Variants in FAM91A1 observed in about 807,000 individuals in gnomAD.
FAM91A1 encodes protein FAM91A1.
In FAM91A1, 41 loss-of-function variants were observed where a neutral mutation model predicts 113.5. The observed-to-expected ratio is 0.36, with a 90% CI of 0.28 to 0.47. The LOEUF (loss-of-function observed/expected upper bound fraction) is 0.47. FAM91A1 is among the 20% of genes least tolerant of loss of function. The pLI, the probability that FAM91A1 is intolerant of heterozygous loss-of-function variation, is 1.00. For synonymous variants in FAM91A1, 307 were observed against 347.9 expected (o/e 0.88, Z 1.31); for missense variants, 696 against 1,001.2 (o/e 0.70, Z 4.11).
chr8:123,802,644 G>A (rs1256173080), intron 18 of FAM91A1, among the ~76,000 whole-genome samples: 2 of 152,192 alleles, frequency 1.3e-5, no homozygotes, highest in Admixed American at 6.5e-5. Context: ...AGCATCAGGT[G>A]GTAGATGGTA....
At chr8:123,778,522 ATTG>A in intron 5 of FAM91A1, 134 bp from the exon 6 acceptor site, 2 of 603,554 alleles carry the variant, frequency 3.3e-6, no homozygotes, top group Non-Finnish European at 2.9e-6. Flanking sequence ...AATATCTAGA[ATTG>A]TTAAGATTTT....
chr8:123,790,451 C>T (rs774562411), intron 15 of FAM91A1, among the ~76,000 whole-genome samples: 10 of 152,172 alleles, frequency 6.6e-5, no homozygotes, highest in Non-Finnish European at 1.3e-4. Context: ...CTTGGGCACC[C>T]CTGCATGAGC....
chr8:123,773,814 C>T (rs571380527), intron 1 of FAM91A1, among the ~76,000 whole-genome samples: 1 of 152,192 alleles, frequency 6.6e-6, no homozygotes, highest in Middle Eastern at 3.4e-3. Flanking sequence ...ACTCACCTAC[C>T]GGTTTTTATT....
chr8:123,787,799 C>A, intron 14 of FAM91A1, 49 bp downstream of exon 14: 1 of 1,444,452 alleles, frequency 6.9e-7, no homozygotes, highest in Non-Finnish European at 9.5e-7. Flanking sequence ...TGGAATCTGT[C>A]CTTGCTTGAC....
intron 4 of FAM91A1, 53 bp from the exon 5 acceptor site, chr8:123,777,972 T>A: frequency 6.8e-7 from 1 of 1,477,600 alleles, no homozygotes. Context: ...TGTGAACATA[T>A]TGAGATTTCA....
intron 15 of FAM91A1, among the ~76,000 whole-genome samples, chr8:123,793,892 T>C (rs1181133738): frequency 6.6e-6 from 1 of 152,218 alleles, no homozygotes; most frequent in Non-Finnish European, 1.5e-5. Context: ...AATATCTCTT[T>C]TTAGAGAGCA....
chr8:123,789,548 G>T, intron 14 of FAM91A1, 65 bp from the exon 15 acceptor site: 1 of 1,595,272 alleles, frequency 6.3e-7, no homozygotes, highest in East Asian at 2.2e-5. Context: ...TCTATTATAT[G>T]ATTATTAGAG....
At chr8:123,778,400 A>G (rs979065802) in intron 5 of FAM91A1, among the ~76,000 whole-genome samples, 3 of 152,146 alleles carry the variant, frequency 2.0e-5, no homozygotes, top group Non-Finnish European at 4.4e-5. Context: ...TGCATTTTTC[A>G]CTGCTTGGGT....
chr8:123,804,137 A>C (rs933502893), intron 18 of FAM91A1, among the ~76,000 whole-genome samples: 1 of 152,182 alleles, frequency 6.6e-6, no homozygotes, highest in African/African-American at 2.4e-5. Flanking sequence ...AGATTTTTTA[A>C]ATTTAATTTT....
At chr8:123,789,496 G>A (rs1815332445) in intron 14 of FAM91A1, 117 bp from the exon 15 acceptor site, 7 of 1,480,210 alleles carry the variant, frequency 4.7e-6, no homozygotes, top group Non-Finnish European at 5.5e-6. Flanking sequence ...GTATTGCCTG[G>A]GCAAATTTTT....
intron 15 of FAM91A1, among the ~76,000 whole-genome samples, chr8:123,794,209 CA>C (rs1310351222): frequency 2.0e-5 from 3 of 152,168 alleles, no homozygotes; most frequent in South Asian, 2.1e-4. Flanking sequence ...CGTTTTGGAA[CA>C]TTTTTTTGGA....
At chr8:123,777,403 G>A (rs955949360) in intron 4 of FAM91A1, 81 bp downstream of exon 4, 4 of 1,315,210 alleles carry the variant, frequency 3.0e-6, no homozygotes, top group Admixed American at 3.9e-5. Context: ...ATTGTCATGT[G>A]TGTTTTTAAC....
chr8:123,785,655 G>A lies in FAM91A1; in HGVS notation c.876G>A (p.Leu292=). ...VKNAVSMYCR[L]GFAHKKGQVI... is the part of the protein sequence containing the mutation. ...ATGCTGTTTCAATGTATTGCCGATT[G>A]GGCTTTGCCCATAAGAAGGGACAAG... is the stretch of plus-strand genomic sequence containing the variant. The change falls in exon 11 of 24, where the codon TTG becomes TTA. Residue 292 remains leucine (L), a synonymous_variant. Coordinates refer to ENST00000334705, the MANE Select transcript of FAM91A1 (RefSeq NM_144963.4). 1 of 1,604,206 alleles carries A rather than the reference G, an allele frequency of 6.2e-7. No individual in the cohort carries two copies. The highest frequency in any genetic ancestry group is 8.5e-7 in the Non-Finnish European group (1 of 1,177,372).
rs1563646463 is a variant in FAM91A1 at position 123,799,837 on chromosome 8, G to C, written c.1761G>C (p.Val587=). Reference sequence around the variant, plus strand: ...CTGGAGTAGTTCCTACCTCAAATGTGCTCACGATGTTGAATGATGCTTTAA... The same window carrying C: ...CTGGAGTAGTTCCTACCTCAAATGTCCTCACGATGTTGAATGATGCTTTAA... ...HDPGVVPTSN[V]LTMLNDALTH... is the part of the protein sequence containing the mutation. The change falls in exon 18 of 24, where the codon GTG becomes GTC. Residue 587 remains valine, a synonymous_variant. Coordinates refer to ENST00000334705, the MANE Select transcript of FAM91A1 (RefSeq NM_144963.4). 6.8e-6 allele frequency: 11 copies of C among 1,608,538 alleles called. No individual in the cohort carries two copies. The East Asian group carries it at 2.5e-4, about 36-fold the overall frequency.
chr8:123,798,258 A>G lies in FAM91A1; in HGVS notation c.1560+20A>G, dbSNP rs976639857. 6.2e-7 allele frequency: 1 copy of G among 1,611,942 alleles called. No homozygotes were observed. Among genetic ancestry groups the G allele is most frequent in the Non-Finnish European group, 8.5e-7 (1 of 1,179,036 alleles). ...CCTCAGGTAAAGACCTACTTGGAAGATCCACTTGGTAGTGTCATGAGTCCC... is the reference window on the plus strand; with the variant it reads ...CCTCAGGTAAAGACCTACTTGGAAGGTCCACTTGGTAGTGTCATGAGTCCC... On this transcript the variant is annotated intron_variant, in intron 16 of 23. Transcript: ENST00000334705.
chr8:123,785,362 T>A (rs1189064334), intron 10 of FAM91A1, among the ~76,000 whole-genome samples: 1 of 152,206 alleles, frequency 6.6e-6, no homozygotes, highest in African/African-American at 2.4e-5. Flanking sequence ...GCCCAAGCAG[T>A]ATCTTGTAGT....
intron 1 of FAM91A1, among the ~76,000 whole-genome samples, chr8:123,773,587 G>C (rs185162380): frequency 6.6e-6 from 1 of 152,154 alleles, no homozygotes; most frequent in African/African-American, 2.4e-5. Flanking sequence ...ACAATCTTAC[G>C]TACATTTAAA....
intron 20 of FAM91A1, among the ~76,000 whole-genome samples, chr8:123,807,801 A>G (rs1339963339): frequency 6.6e-6 from 1 of 152,218 alleles, no homozygotes; most frequent in African/African-American, 2.4e-5. Context: ...GAGAGTAGAG[A>G]AGTAGATAAG....
chr8:123,769,670 A>G (rs1192346043), intron 1 of FAM91A1, among the ~76,000 whole-genome samples: 1 of 152,218 alleles, frequency 6.6e-6, no homozygotes, highest in Non-Finnish European at 1.5e-5. Context: ...GCAACAGTCA[A>G]CAAGACAAAG....
Sources: allele counts gnomAD v4.1 joint callset (sites outside exome capture counted in the v4.1 genomes callset), GRCh38; gene constraint gnomAD v4.1.1; transcripts MANE v1.5; gene names NCBI Gene and HGNC (gene_info 2026-07-23, HGNC 2026-07-21).